The following SHLD2 variants were observed in gnomAD, a reference collection of about 807,000 sequenced individuals.
SHLD2 encodes the protein shieldin complex subunit 2, also known as RINN1-REV7-interacting novel NHEJ regulator 2.
SHLD2 carries 30 observed loss-of-function variants against 73.2 expected under a neutral mutation model. The ratio of observed to expected loss-of-function variants is 0.41; its 90% CI spans 0.31 to 0.56. SHLD2 has a LOEUF of 0.56. Among genes scored for constraint, SHLD2 ranks in the 20% least tolerant of loss-of-function variants. The pLI, the probability that SHLD2 is intolerant of heterozygous loss-of-function variation, is 0.28. For missense variants in SHLD2, 745 were observed against 1,055.9 expected, an observed-to-expected ratio of 0.71 and a Z score of 4.08; for synonymous variants, 285 against 370.1, an observed-to-expected ratio of 0.77 and a Z score of 2.64.
chr10:87,175,699 TA>T (rs1366992078), intron 6 of SHLD2, among the ~76,000 whole-genome samples, 189 bp from the exon 7 acceptor site: 2 of 151,936 alleles, frequency 1.3e-5, no homozygotes, highest in African/African-American at 4.8e-5. Flanking sequence ...ATAATAATAA[TA>T]ATAATAATAA....
intron 2 of SHLD2, among the ~76,000 whole-genome samples, chr10:87,100,819 T>A (rs1564574268): frequency 1.3e-5 from 2 of 152,164 alleles, no homozygotes; most frequent in Non-Finnish European, 2.9e-5. Flanking sequence ...TTGGGAAATG[T>A]GAGTCTTCCA....
chr10:87,169,317 G>A (rs1847422115), intron 4 of SHLD2, among the ~76,000 whole-genome samples: 1 of 152,152 alleles, frequency 6.6e-6, no homozygotes, highest in African/African-American at 2.4e-5. Flanking sequence ...AACTCAGTCT[G>A]GTAGTATTAC....
At chr10:87,171,714 C>T (rs1847604294) in intron 6 of SHLD2, among the ~76,000 whole-genome samples, 1 of 152,188 alleles carries the variant, frequency 6.6e-6, no homozygotes. Context: ...TCTCTCCAAA[C>T]TTCTGCCTTC....
intron 2 of SHLD2, chr10:87,113,900 G>A (rs1328593514): frequency 6.6e-6 from 1 of 152,120 alleles, no homozygotes; most frequent in South Asian, 2.1e-4. Flanking sequence ...CAGCTACTGG[G>A]GAGGCTGAGG....
At position 87,152,020 on chromosome 10, in the gene SHLD2, A is replaced by G. The variant is rs756865891; in HGVS notation, c.666A>G (p.Ser222=). 3.7e-6 allele frequency: 6 copies of G among 1,611,826 alleles called. No individual in the cohort carries two copies. The African/African-American group carries it at 6.7e-5, about 18-fold the overall frequency. Residue 222 remains serine, a synonymous_variant, in exon 3 of 10, where the codon TCA becomes TCG. Coordinates refer to ENST00000298786, the MANE Select transcript of SHLD2 (RefSeq NM_001330112.2). Reference sequence around the variant, plus strand: ...TTTCCTCGAACGCAGTAGATAAGTCAAGGTCTGAAGCAGCAGTTAGGAAGG... The same window carrying G: ...TTTCCTCGAACGCAGTAGATAAGTCGAGGTCTGAAGCAGCAGTTAGGAAGG... ...GLFSSNAVDK[S]RSEAAVRKVS...
chr10:87,140,366 G>A (rs1845101562), intron 2 of SHLD2, among the ~76,000 whole-genome samples: 1 of 147,932 alleles, frequency 6.8e-6, no homozygotes, highest in Admixed American at 6.9e-5. Context: ...GTTGCAGTAA[G>A]CCAAGATCAT....
intron 2 of SHLD2, among the ~76,000 whole-genome samples, chr10:87,100,792 T>G (rs1717559564): frequency 6.6e-6 from 1 of 152,174 alleles, no homozygotes; most frequent in Non-Finnish European, 1.5e-5. Flanking sequence ...ACTCTAGCTT[T>G]GTAGTAAATT....
rs571453392 is a variant in SHLD2 at position 87,151,654 on chromosome 10, G to A, written c.300G>A (p.Gln100=). 1 of 1,611,784 alleles carries A rather than the reference G, an allele frequency of 6.2e-7. No homozygotes were observed. Among genetic ancestry groups the A allele is most frequent in the African/African-American group, 1.3e-5 (1 of 74,966 alleles). ...TTGTACGTTCTGTTTCTGAAACACA[G>A]AATATAGAATCCCAGAAGATTCACT... ...DDFVRSVSET[Q]NIESQKIHSS... is the part of the protein sequence containing the mutation. Residue 100 remains glutamine (Q), a synonymous_variant, in exon 3 of 10, where the codon CAG becomes CAA. Transcript: ENST00000298786.
chr10:87,146,822 C>T (rs1243045384), intron 2 of SHLD2, among the ~76,000 whole-genome samples: 3 of 151,556 alleles, frequency 2.0e-5, no homozygotes, highest in East Asian at 2.0e-4. Flanking sequence ...TTTGGGAGGC[C>T]GAAGCAGGCG....
chr10:87,189,499 A>G (rs1019388884), intron 9 of SHLD2, among the ~76,000 whole-genome samples: 1 of 151,986 alleles, frequency 6.6e-6, no homozygotes, highest in African/African-American at 2.4e-5. Context: ...TATTACTAAT[A>G]TTGGTTATGT....
intron 4 of SHLD2, among the ~76,000 whole-genome samples, chr10:87,160,053 G>A (rs1393322741): frequency 1.3e-5 from 2 of 151,900 alleles, no homozygotes; most frequent in Admixed American, 6.6e-5. Flanking sequence ...AATACATAAA[G>A]TCCCATGAAC....
chr10:87,170,234 G>A (rs1182856801), intron 4 of SHLD2, among the ~76,000 whole-genome samples: 1 of 152,102 alleles, frequency 6.6e-6, no homozygotes, highest in African/African-American at 2.4e-5. Context: ...AAGAAGTATG[G>A]GAACAGCACA....
chr10:87,097,453 G>A (rs942592570), intron 2 of SHLD2, among the ~76,000 whole-genome samples: 11 of 152,002 alleles, frequency 7.2e-5, no homozygotes, highest in Admixed American at 5.2e-4. Flanking sequence ...TTAGCCAGGC[G>A]TGGTGGCGGG....
At chr10:87,144,961 G>C (rs969114289) in intron 2 of SHLD2, among the ~76,000 whole-genome samples, 2 of 104,328 alleles carry the variant, frequency 1.9e-5, no homozygotes, top group African/African-American at 3.9e-5. Context: ...TTTTTTTTGA[G>C]ACGGAGCCTT....
At chr10:87,176,208 A>C in intron 7 of SHLD2, 113 bp downstream of exon 7, 1 of 1,317,728 alleles carries the variant, frequency 7.6e-7, no homozygotes, top group Non-Finnish European at 1.1e-6. Flanking sequence ...TGCAGTCTCC[A>C]CCTCCCAGGT....
chr10:87,189,940 G>A (rs1848930274), intron 9 of SHLD2, among the ~76,000 whole-genome samples: 1 of 152,144 alleles, frequency 6.6e-6, no homozygotes. Context: ...AACTGCTGTC[G>A]GTCTGAACGG....
intron 2 of SHLD2, among the ~76,000 whole-genome samples, chr10:87,105,617 T>C (rs1031479839): frequency 6.6e-6 from 1 of 152,218 alleles, no homozygotes; most frequent in Non-Finnish European, 1.5e-5. Flanking sequence ...GGCTTTTCCA[T>C]TGACAGTCCA....
At chr10:87,167,357 A>C (rs1414432054) in intron 4 of SHLD2, among the ~76,000 whole-genome samples, 1 of 152,224 alleles carries the variant, frequency 6.6e-6, no homozygotes, top group Non-Finnish European at 1.5e-5. Flanking sequence ...ACAGGTTAGT[A>C]GCTAAATAAA....
chr10:87,185,603 T>C (rs1848570205), intron 8 of SHLD2, among the ~76,000 whole-genome samples: 1 of 152,216 alleles, frequency 6.6e-6, no homozygotes, highest in Non-Finnish European at 1.5e-5. Context: ...TTTTGTTGCA[T>C]GTGCTTTCGG....
Sources: allele counts gnomAD v4.1 joint callset (sites outside exome capture counted in the v4.1 genomes callset), GRCh38; gene constraint gnomAD v4.1.1; transcripts MANE v1.5; gene names NCBI Gene and HGNC (gene_info 2026-07-23, HGNC 2026-07-21).